TRDN: variants seen among roughly 807,000 people sequenced by gnomAD.
TRDN encodes triadin in skeletal muscle.
TRDN carries 161 observed loss-of-function variants against 149.7 expected under a neutral mutation model. That is an observed-to-expected ratio of 1.08 (90% CI 0.95 to 1.23). The LOEUF (loss-of-function observed/expected upper bound fraction) is 1.23. Ranked by LOEUF, TRDN falls within the 50% of genes most tolerant of loss-of-function variation. The pLI, the probability that TRDN is intolerant of heterozygous loss-of-function variation, is 0.00. For missense variants in TRDN, 896 were observed against 823.5 expected, an observed-to-expected ratio of 1.09 and a Z score of -1.08; for synonymous variants, 294 against 250.5, an observed-to-expected ratio of 1.17 and a Z score of -1.64.
At chr6:123,502,389 T>G (rs1212203589) in intron 8 of TRDN, 1 of 642,860 alleles carries the variant, frequency 1.6e-6, no homozygotes, top group Non-Finnish European at 1.9e-6. Context: ...GTTTTAGAGC[T>G]CCTAAGTTTT....
intron 40 of TRDN, among the ~76,000 whole-genome samples, chr6:123,220,936 C>T (rs1013032480): frequency 4.0e-5 from 6 of 151,428 alleles, no homozygotes; most frequent in South Asian, 4.1e-4. Flanking sequence ...TTGGAAGAAC[C>T]GAAATAATGA....
intron 10 of TRDN, chr6:123,439,867 A>T (rs1423134720): frequency 6.6e-6 from 1 of 152,212 alleles, no homozygotes; most frequent in Non-Finnish European, 1.5e-5. Context: ...TGGGACAATA[A>T]TAGCTACGGT....
chr6:123,233,276 T>C (rs905562344), intron 38 of TRDN, among the ~76,000 whole-genome samples: 4 of 152,108 alleles, frequency 2.6e-5, no homozygotes, highest in Non-Finnish European at 5.9e-5. Flanking sequence ...AGAAGCTCCT[T>C]CAATATGTGC....
intron 23 of TRDN, among the ~76,000 whole-genome samples, chr6:123,329,463 T>A (rs2114723121): frequency 6.6e-6 from 1 of 152,262 alleles, no homozygotes; most frequent in South Asian, 2.1e-4. Flanking sequence ...TTATTTGAGA[T>A]GTGACTGTTC....
chr6:123,405,250 C>A (rs1476161849), intron 12 of TRDN, among the ~76,000 whole-genome samples: 1 of 152,140 alleles, frequency 6.6e-6, no homozygotes, highest in African/African-American at 2.4e-5. Context: ...TGTTTGAGAG[C>A]AAGTGAGTAA....
chr6:123,226,244 T>C (rs757730798), intron 38 of TRDN, among the ~76,000 whole-genome samples: 4 of 151,836 alleles, frequency 2.6e-5, no homozygotes, highest in African/African-American at 4.8e-5. Flanking sequence ...CAAACTGTTA[T>C]ATGATGTTGT....
chr6:123,226,287 T>C (rs1189956937), intron 38 of TRDN, among the ~76,000 whole-genome samples: 1 of 151,874 alleles, frequency 6.6e-6, no homozygotes, highest in Non-Finnish European at 1.5e-5. Context: ...TTAAAAATGA[T>C]GTCAGTTCCT....
At chr6:123,502,312 G>C in intron 8 of TRDN, 2 of 854,780 alleles carry the variant, frequency 2.3e-6, no homozygotes, top group Non-Finnish European at 2.8e-6. Context: ...ACATAATTTT[G>C]ATGGAAGTAA....
At chr6:123,546,316 C>G (rs1781110771) in intron 4 of TRDN, among the ~76,000 whole-genome samples, 1 of 152,042 alleles carries the variant, frequency 6.6e-6, no homozygotes, top group East Asian at 1.9e-4. Flanking sequence ...TGGCTTAGCT[C>G]TTTTTTGCTG....
chr6:123,230,043 T>A (rs942303715), intron 38 of TRDN, among the ~76,000 whole-genome samples: 14 of 151,892 alleles, frequency 9.2e-5, no homozygotes, highest in Non-Finnish European at 1.9e-4. Flanking sequence ...CTATCAATAG[T>A]TACCATAATT....
chr6:123,294,487 A>G (rs954380673), intron 24 of TRDN, among the ~76,000 whole-genome samples: 4 of 152,118 alleles, frequency 2.6e-5, no homozygotes, highest in African/African-American at 9.7e-5. Context: ...GGGTGTGGAT[A>G]GGGGTGATGG....
chr6:123,620,924 C>G (rs1785349409), intron 1 of TRDN, among the ~76,000 whole-genome samples: 1 of 152,070 alleles, frequency 6.6e-6, no homozygotes, highest in Admixed American at 6.6e-5. Context: ...CCTCAACAAG[C>G]AAAAACTCAG....
At chr6:123,516,299 C>A in intron 5 of TRDN, 93 bp from the exon 6 acceptor site, 2 of 1,283,338 alleles carry the variant, frequency 1.6e-6, no homozygotes, top group Non-Finnish European at 2.0e-6. Context: ...AATTTATCTT[C>A]TGTTTTTAGA....
intron 1 of TRDN, among the ~76,000 whole-genome samples, chr6:123,585,941 A>T (rs56406709): frequency 1.3e-5 from 2 of 151,210 alleles, no homozygotes; most frequent in Non-Finnish European, 2.9e-5. Context: ...TTTGAGGGCC[A>T]GAATTTAATT....
chr6:123,516,232 T>A (rs1186882047), intron 5 of TRDN, 26 bp from the exon 6 acceptor site: 2 of 1,457,210 alleles, frequency 1.4e-6, no homozygotes, highest in African/African-American at 2.9e-5. Context: ...TAAATAGTTT[T>A]CATTTAAATA....
intron 21 of TRDN, among the ~76,000 whole-genome samples, chr6:123,345,085 T>A (rs1267836602): frequency 2.0e-5 from 3 of 152,068 alleles, no homozygotes; most frequent in Non-Finnish European, 4.4e-5. Flanking sequence ...TCATGGACTT[T>A]GTCTTTTGTG....
chr6:123,247,197 C>G (rs973321927), intron 38 of TRDN, among the ~76,000 whole-genome samples: 3 of 152,150 alleles, frequency 2.0e-5, no homozygotes, highest in Non-Finnish European at 4.4e-5. Context: ...TGGCACAAGA[C>G]AAGTATGTGC....
chr6:123,226,301 C>A (rs1241985360), intron 38 of TRDN, among the ~76,000 whole-genome samples: 1 of 151,686 alleles, frequency 6.6e-6, no homozygotes, highest in African/African-American at 2.4e-5. Context: ...AGTTCCTAAA[C>A]AAATCAAATA....
chr6:123,336,482 A>G (rs1215193811), intron 22 of TRDN, among the ~76,000 whole-genome samples: 1 of 152,014 alleles, frequency 6.6e-6, no homozygotes. Context: ...CTTCTCATTT[A>G]CATTTCATAT....
Sources: gnomAD v4.1 joint callset for allele counts (sites outside exome capture counted in the v4.1 genomes callset) on GRCh38, gnomAD v4.1.1 for gene constraint, MANE v1.5 for transcripts, NCBI Gene and HGNC (gene_info 2026-07-23, HGNC 2026-07-21) for gene names.